The following GLIS3 variants were observed in gnomAD, a reference collection of about 807,000 sequenced individuals.
GLIS3 encodes GLIS family zinc finger 3.
In GLIS3, 53 loss-of-function variants were observed where a neutral mutation model predicts 78.6. That is an observed-to-expected ratio of 0.67 (90% CI 0.54 to 0.85). The LOEUF is 0.85. Ranked by LOEUF, GLIS3 falls within the 40% of genes least tolerant of loss-of-function variation. The probability of loss-of-function intolerance (pLI) is 0.00; values close to 1 mark genes in which losing one functional copy is unlikely to be tolerated. For synonymous variants in GLIS3, 684 were observed against 509.9 expected (o/e 1.34, Z -4.60); for missense variants, 1,703 against 1,231.1 (o/e 1.38, Z -5.74).
At chr9:4,208,975 C>A (rs1377142081) in intron 2 of GLIS3, among the ~76,000 whole-genome samples, 1 of 152,202 alleles carries the variant, frequency 6.6e-6, no homozygotes, top group Non-Finnish European at 1.5e-5. Flanking sequence ...CTTCATAAAG[C>A]ACTCTTGAGA....
At chr9:3,885,079 G>A (rs1821983054) in intron 7 of GLIS3, among the ~76,000 whole-genome samples, 1 of 152,168 alleles carries the variant, frequency 6.6e-6, no homozygotes, top group Non-Finnish European at 1.5e-5. Flanking sequence ...AAGTTTTCCA[G>A]CTCTGAAAAT....
At chr9:4,459,371 T>C in the GLIS3 span, among the ~76,000 whole-genome samples, 2 of 152,090 alleles carry the variant, frequency 1.3e-5, no homozygotes, top group African/African-American at 2.4e-5. Context: ...TCTTTAGGGA[T>C]TGGGAATCTG....
At chr9:4,241,533 T>A (rs1029368410) in intron 2 of GLIS3, among the ~76,000 whole-genome samples, 7 of 152,138 alleles carry the variant, frequency 4.6e-5, no homozygotes, top group Admixed American at 3.9e-4. Flanking sequence ...ACCCCAAAAC[T>A]ATAAAGATTC....
the GLIS3 span, among the ~76,000 whole-genome samples, chr9:4,464,313 T>C: frequency 1.3e-5 from 2 of 151,964 alleles, no homozygotes; most frequent in Non-Finnish European, 2.9e-5. Flanking sequence ...TACCATGATT[T>C]TGACAAGCAG....
chr9:4,340,093 G>C (rs1563938835), intron 2 of GLIS3, among the ~76,000 whole-genome samples: 1 of 151,738 alleles, frequency 6.6e-6, no homozygotes, highest in African/African-American at 2.4e-5. Flanking sequence ...GCTTGGCTTA[G>C]CATGAGGTTG....
At chr9:3,833,801 A>G (rs994115763) in intron 9 of GLIS3, among the ~76,000 whole-genome samples, 1 of 152,214 alleles carries the variant, frequency 6.6e-6, no homozygotes, top group Non-Finnish European at 1.5e-5. Flanking sequence ...TTTGCCTTCA[A>G]GAATGGAGGA....
At chr9:4,402,258 C>G in the GLIS3 span, among the ~76,000 whole-genome samples, 1 of 152,210 alleles carries the variant, frequency 6.6e-6, no homozygotes, top group Admixed American at 6.5e-5. Flanking sequence ...CCAAGACCAC[C>G]AAGGTGGTAC....
At chr9:4,438,893 G>C in the GLIS3 span, among the ~76,000 whole-genome samples, 2 of 152,086 alleles carry the variant, frequency 1.3e-5, no homozygotes, top group African/African-American at 4.8e-5. Context: ...CTAGTCCTAG[G>C]TATGTCTTTA....
rs7870113 is a variant in GLIS3 at position 4,312,372 on chromosome 9, G to A, written n.265-1844C>T. Among the ~76,000 whole-genome samples, 369 of 152,272 alleles carry A rather than the reference G, an allele frequency of 2.4e-3. 4 individuals are homozygous for A. The highest frequency in any genetic ancestry group is 8.4e-3 in the African/African-American group (350 of 41,554). On this transcript the variant is annotated intron_variant and non_coding_transcript_variant, in intron 2 of 4. Transcript: ENST00000471664. Reference sequence around the variant, plus strand: ...AATCCCAGCTACTGGGGAGGCTGGGGTAGGAGAATCACTTGAACCAGGGAG... The same window carrying A: ...AATCCCAGCTACTGGGGAGGCTGGGATAGGAGAATCACTTGAACCAGGGAG...
At chr9:4,381,776 T>C in the GLIS3 span, among the ~76,000 whole-genome samples, 1 of 152,222 alleles carries the variant, frequency 6.6e-6, no homozygotes, top group Admixed American at 6.5e-5. Context: ...CAGACTCCTT[T>C]ACTACCTGGC....
At chr9:3,866,310 G>A (rs759362374) in intron 8 of GLIS3, among the ~76,000 whole-genome samples, 8 of 152,192 alleles carry the variant, frequency 5.3e-5, no homozygotes, top group African/African-American at 1.9e-4. Flanking sequence ...AGTCAATGAA[G>A]GAAAATTAAA....
the GLIS3 span, among the ~76,000 whole-genome samples, chr9:4,475,631 A>T: frequency 6.6e-6 from 1 of 152,230 alleles, no homozygotes; most frequent in African/African-American, 2.4e-5. Context: ...AAAAAGAATG[A>T]GGAAGATTTC....
chr9:3,907,836 C>A (rs569444625), intron 6 of GLIS3, among the ~76,000 whole-genome samples: 2 of 152,160 alleles, frequency 1.3e-5, no homozygotes, highest in African/African-American at 4.8e-5. Flanking sequence ...ATCACATGCA[C>A]CTGAATCCTT....
chr9:3,936,989 G>C (rs1825933357), intron 5 of GLIS3, 39 bp downstream of exon 5: 1 of 1,611,592 alleles, frequency 6.2e-7, no homozygotes, highest in Non-Finnish European at 8.5e-7. Context: ...CTCACACCAG[G>C]CGCTGGGTTG....
intron 4 of GLIS3, among the ~76,000 whole-genome samples, chr9:4,099,004 G>A (rs1050005464): frequency 2.6e-5 from 4 of 152,242 alleles, no homozygotes; most frequent in Non-Finnish European, 4.4e-5. Context: ...AATGTGTCCC[G>A]AAGACACATC....
At chr9:4,290,507 C>G (rs1828361267) in intron 1 of GLIS3, among the ~76,000 whole-genome samples, 1 of 152,068 alleles carries the variant, frequency 6.6e-6, no homozygotes, top group Admixed American at 6.5e-5. Context: ...CTTGTTACAG[C>G]TTTTGTAGCC....
rs10122183 is a variant in GLIS3, at chr9:3,898,987, A to G, written c.1984-152T>C. ...AAGGCACAGAGCTTAACAGAGTGTC[A>G]ATAAAAGGATCAGTTCTCCAATCCT... is the stretch of plus-strand genomic sequence containing the variant. On this transcript the variant is annotated intron_variant, in intron 6 of 10. Coordinates refer to ENST00000381971, the MANE Select transcript of GLIS3 (RefSeq NM_001042413.2). The G allele has an allele frequency of 0.79, 714,028 of 901,986 alleles. 283,466 individuals carry two copies. Among genetic ancestry groups the G allele is most frequent in the East Asian group, 0.85 (32,265 of 37,818 alleles). 55.9% of individuals were successfully genotyped at this position (901,986 alleles called of 1,614,324 possible).
intron 2 of GLIS3, among the ~76,000 whole-genome samples, chr9:4,259,919 T>C (rs564616734): frequency 2.0e-5 from 3 of 152,384 alleles, no homozygotes; most frequent in Non-Finnish European, 4.4e-5. Flanking sequence ...GACCTACTTA[T>C]GCTCTTAACT....
chr9:3,841,538 G>A (rs564803741), intron 9 of GLIS3, among the ~76,000 whole-genome samples: 1 of 152,318 alleles, frequency 6.6e-6, no homozygotes, highest in Admixed American at 6.5e-5. Context: ...TCAGTGCCCA[G>A]CTACCCATTA....
Sources: allele counts gnomAD v4.1 joint callset (sites outside exome capture counted in the v4.1 genomes callset), GRCh38; gene constraint gnomAD v4.1.1; transcripts MANE v1.5; gene names NCBI Gene and HGNC (gene_info 2026-07-23, HGNC 2026-07-21).